The following PTPRQ variants were observed in gnomAD, a reference collection of about 807,000 sequenced individuals.
PTPRQ encodes the protein protein tyrosine phosphatase receptor type Q.
Under a neutral mutation model 246.0 loss-of-function variants are expected in PTPRQ, and 199 were observed. The observed-to-expected ratio is 0.81, with a 90% CI of 0.72 to 0.91. The LOEUF (loss-of-function observed/expected upper bound fraction) is 0.91. Among genes scored for constraint, PTPRQ ranks in the 40% least tolerant of loss-of-function variants. PTPRQ has a pLI of 0.00. For missense variants in PTPRQ, 2,624 were observed against 2,528.4 expected (o/e 1.04, Z -0.81); for synonymous variants, 869 against 853.2 (o/e 1.02, Z -0.32).
At chr12:80,516,358 T>A (rs377162185) in intron 17 of PTPRQ, among the ~76,000 whole-genome samples, 1 of 152,206 alleles carries the variant, frequency 6.6e-6, no homozygotes, top group African/African-American at 2.4e-5. Context: ...TTCTAACTTA[T>A]ATACAAATCT....
intron 17 of PTPRQ, chr12:80,512,508 T>G (rs1895153007): frequency 6.6e-6 from 1 of 152,164 alleles, no homozygotes; most frequent in African/African-American, 2.4e-5. Context: ...GGTACCAGGA[T>G]TTGTTAGGAA....
intron 37 of PTPRQ, among the ~76,000 whole-genome samples, chr12:80,650,140 A>C (rs1188996445): frequency 1.3e-5 from 2 of 152,112 alleles, no homozygotes; most frequent in Non-Finnish European, 2.9e-5. Flanking sequence ...TGAAGCTTCC[A>C]GAAACTATAA....
intron 8 of PTPRQ, among the ~76,000 whole-genome samples, chr12:80,477,435 TG>T (rs1893848758): frequency 6.6e-6 from 1 of 152,220 alleles, no homozygotes; most frequent in African/African-American, 2.4e-5. Context: ...TTAATTAATT[TG>T]TTTCAAACAA....
chr12:80,659,633 C>T (rs968263119), intron 39 of PTPRQ, among the ~76,000 whole-genome samples: 6 of 151,966 alleles, frequency 3.9e-5, no homozygotes, highest in Admixed American at 6.6e-5. Flanking sequence ...AAGTAATTTT[C>T]GCAAACCCCC....
chr12:80,664,365 A>G (rs1034043742), intron 39 of PTPRQ, among the ~76,000 whole-genome samples: 3 of 151,948 alleles, frequency 2.0e-5, no homozygotes, highest in Admixed American at 6.6e-5. Flanking sequence ...ACTTGTCTGC[A>G]TCTGTGTCCA....
intron 8 of PTPRQ, among the ~76,000 whole-genome samples, chr12:80,477,720 G>C (rs1006745221): frequency 6.6e-6 from 1 of 152,150 alleles, no homozygotes; most frequent in Non-Finnish European, 1.5e-5. Context: ...CTCGGGAAGC[G>C]CAAGGGGTCA....
chr12:80,471,474 A>ATATTTTTT lies in PTPRQ; in HGVS notation c.1040-630_1040-629insATTTTTTT. Among the ~76,000 whole-genome samples, 2 of 73,198 alleles carry ATATTTTTT rather than the reference A, an allele frequency of 2.7e-5. 1 individual carries two copies. Among genetic ancestry groups the ATATTTTTT allele is most frequent in the Non-Finnish European group, 4.8e-5 (2 of 41,584 alleles). 48.0% of individuals were successfully genotyped at this position (73,198 alleles called of 152,430 possible). Reference sequence around the variant, plus strand: ...ATAGAAGATAATGAAATTATTTAGCATTTTTTTTTTTTTTTTTATTTGAGA... The same window carrying ATATTTTTT: ...ATAGAAGATAATGAAATTATTTAGCATATTTTTTTTTTTTTTTTTTTTTTTATTTGAGA... On this transcript the variant is annotated intron_variant, in intron 7 of 44. Coordinates refer to ENST00000644991, the MANE Select transcript of PTPRQ (RefSeq NM_001145026.2).
At chr12:80,657,666 T>C (rs1317225454) in intron 38 of PTPRQ, among the ~76,000 whole-genome samples, 1 of 151,832 alleles carries the variant, frequency 6.6e-6, no homozygotes. Flanking sequence ...CATATCTTTG[T>C]TTATGCTGAT....
chr12:80,535,982 C>T (rs1297907644), intron 19 of PTPRQ, among the ~76,000 whole-genome samples: 3 of 152,174 alleles, frequency 2.0e-5, no homozygotes, highest in African/African-American at 7.2e-5. Context: ...TGGCAGGCGC[C>T]TGTAGTCCCA....
intron 26 of PTPRQ, 73 bp downstream of exon 26, chr12:80,588,525 C>T (rs1592690614): frequency 7.6e-7 from 1 of 1,310,278 alleles, no homozygotes; most frequent in Non-Finnish European, 9.8e-7. Flanking sequence ...ATGCTTTATA[C>T]TTAATCTAAT....
intron 14 of PTPRQ, among the ~76,000 whole-genome samples, chr12:80,497,052 G>T (rs1894651198): frequency 6.6e-6 from 1 of 151,842 alleles, no homozygotes; most frequent in Non-Finnish European, 1.5e-5. Context: ...TTGGCACTGG[G>T]GACCAGTTTC....
chr12:80,467,015 A>G (rs530171924), intron 6 of PTPRQ, among the ~76,000 whole-genome samples: 1 of 152,350 alleles, frequency 6.6e-6, no homozygotes, highest in East Asian at 1.9e-4. Context: ...ATGGGATCTA[A>G]TTAAACTAAA....
intron 39 of PTPRQ, among the ~76,000 whole-genome samples, chr12:80,667,280 A>G (rs1377232758): frequency 3.3e-5 from 5 of 151,782 alleles, no homozygotes; most frequent in Non-Finnish European, 5.9e-5. Flanking sequence ...CTTCTTCAAA[A>G]CTGTCTTCAC....
intron 17 of PTPRQ, among the ~76,000 whole-genome samples, chr12:80,532,194 T>C (rs1895863367): frequency 6.6e-6 from 1 of 152,084 alleles, no homozygotes; most frequent in South Asian, 2.1e-4. Flanking sequence ...CTTGAGCTAA[T>C]AGCATAGCTT....
At position 80,534,020 on chromosome 12, in the gene PTPRQ, GATC is replaced by G; in HGVS notation, c.2690_2692del (p.Ser897del). 6.7e-7 allele frequency: 1 copy of G among 1,491,006 alleles called. No individual in the cohort carries two copies. Among genetic ancestry groups the G allele is most frequent in the East Asian group, 2.7e-5 (1 of 37,540 alleles). The allele number at this position is 1,491,006 out of a possible 1,614,324, so 92.4% of individuals were successfully genotyped here. ...TAATATTCTTTTTATCTCAGGAATA[GATC>G]ATCATTAAAAACTATTAATGTCACT... On this transcript the variant is annotated inframe_deletion, in exon 18 of 45. Transcript: ENST00000644991.
chr12:80,656,072 A>G (rs1900423755), intron 38 of PTPRQ, among the ~76,000 whole-genome samples: 1 of 152,188 alleles, frequency 6.6e-6, no homozygotes, highest in South Asian at 2.1e-4. Context: ...GAATAGAAAC[A>G]TAATGATTCT....
intron 1 of PTPRQ, 79 bp downstream of exon 1, chr12:80,444,478 G>A (rs553661471): frequency 3.0e-4 from 259 of 863,004 alleles, no homozygotes; most frequent in Non-Finnish European, 4.5e-4. Context: ...GTTGTTCCTT[G>A]TGACAGTGAA....
intron 9 of PTPRQ, among the ~76,000 whole-genome samples, chr12:80,488,304 A>G (rs1311303486): frequency 6.6e-6 from 1 of 152,006 alleles, no homozygotes; most frequent in Non-Finnish European, 1.5e-5. Context: ...TATAGTGGGT[A>G]TCTACCTGAG....
At position 80,647,594 on chromosome 12, in the gene PTPRQ, A is replaced by G. The variant is rs1401422520; in HGVS notation, c.5916-1303A>G. 3.9e-5 allele frequency among the ~76,000 whole-genome samples: 6 copies of G among 152,280 alleles called. No homozygotes were observed. The East Asian group carries it at 1.2e-3, about 29-fold the overall frequency. On this transcript the variant is annotated intron_variant, in intron 35 of 44. Transcript: ENST00000644991. ...TCCCCACTGCAACTGTTACTATGTCAGAGATATTTCCAGGGCCTCCAATAT... is the reference window on the plus strand; with the variant it reads ...TCCCCACTGCAACTGTTACTATGTCGGAGATATTTCCAGGGCCTCCAATAT...
Sources: allele counts gnomAD v4.1 joint callset (sites outside exome capture counted in the v4.1 genomes callset), GRCh38; gene constraint gnomAD v4.1.1; transcripts MANE v1.5; gene names NCBI Gene and HGNC (gene_info 2026-07-23, HGNC 2026-07-21).